Variants in ACTN1 observed in about 807,000 individuals in gnomAD.
The protein encoded by ACTN1 is alpha-actinin-1.
ACTN1 carries 30 observed loss-of-function variants against 119.6 expected under a neutral mutation model. The ratio of observed to expected loss-of-function variants is 0.25; its 90% CI spans 0.19 to 0.34. The LOEUF (loss-of-function observed/expected upper bound fraction) is 0.34. Among genes scored for constraint, ACTN1 ranks in the 10% least tolerant of loss-of-function variants. The probability of loss-of-function intolerance (pLI) is 1.00; values close to 1 mark genes in which losing one functional copy is unlikely to be tolerated. For missense variants in ACTN1, 764 were observed against 1,223.4 expected (o/e 0.62, Z 5.60); for synonymous variants, 429 against 472.6 (o/e 0.91, Z 1.20).
At position 68,899,223 on chromosome 14, in the gene ACTN1, C is replaced by T. The variant is rs549106419; in HGVS notation, c.762+3254G>A. On this transcript the variant is annotated intron_variant, in intron 8 of 21. Transcript: ENST00000394419. ...CACTATACCCCTCCACACCACACAC[C>T]ACACCCCACACACACAGCACTCCCC... 6.2e-4 allele frequency among the ~76,000 whole-genome samples: 91 copies of T among 146,568 alleles called. 1 individual carries two copies. Among genetic ancestry groups the T allele is most frequent in the African/African-American group, 1.8e-3 (71 of 39,674 alleles).
In ACTN1 at chr14:68,953,187, C is replaced by T. The variant is rs149868966; in HGVS notation, c.105+25765G>A. On this transcript the variant is annotated intron_variant, in intron 1 of 21. Coordinates refer to ENST00000394419, the MANE Select transcript of ACTN1 (RefSeq NM_001130004.2). The stretch of plus-strand genomic sequence containing the variant: ...TCTTATTTAACTCTGAGCTCACTCA[C>T]AGCTGTGATGATCTGAAAATCCCTC... Among the ~76,000 whole-genome samples the T allele has an allele frequency of 2.1e-3, 314 of 152,310 alleles. 2 individuals carry two copies. Among genetic ancestry groups the T allele is most frequent in the Non-Finnish European group, 2.0e-3 (139 of 68,030 alleles).
At chr14:68,910,166 C>T in intron 4 of ACTN1, 124 bp from the exon 5 acceptor site, 1 of 689,684 alleles carries the variant, frequency 1.4e-6, no homozygotes, top group South Asian at 1.9e-5. Flanking sequence ...AGGAGGAGCC[C>T]TGGCCATCAA....
At chr14:68,901,782 C>A (rs2033354165) in intron 8 of ACTN1, among the ~76,000 whole-genome samples, 1 of 152,194 alleles carries the variant, frequency 6.6e-6, no homozygotes, top group Admixed American at 6.5e-5. Flanking sequence ...TGGTGCAGAA[C>A]CTGCACGACT....
At position 68,904,747 on chromosome 14, in the gene ACTN1, A is replaced by G. The variant is rs1276023068; in HGVS notation, c.595-11T>C. 1.2e-6 allele frequency: 2 copies of G among 1,609,224 alleles called. No individual in the cohort carries two copies. Among genetic ancestry groups the G allele is most frequent in the African/African-American group, 2.7e-5 (2 of 74,812 alleles). Reference sequence around the variant, plus strand: ...TGTGAGTGGATCATCCTAGAGGGAGAAAAGGAGGAAGGGATGATAAAGTGA... The same window carrying G: ...TGTGAGTGGATCATCCTAGAGGGAGGAAAGGAGGAAGGGATGATAAAGTGA... On this transcript the variant is annotated splice_polypyrimidine_tract_variant and intron_variant, in intron 6 of 21. Transcript: ENST00000394419.
chr14:68,962,664 T>C (rs954985936), intron 1 of ACTN1, among the ~76,000 whole-genome samples: 3 of 152,292 alleles, frequency 2.0e-5, no homozygotes, highest in South Asian at 2.1e-4. Context: ...TGAGCCAGAT[T>C]CCATGTCCAC....
chr14:68,878,249 G>T lies in ACTN1; in HGVS notation c.2427+209C>A. On this transcript the variant is annotated intron_variant, in intron 20 of 21. Transcript: ENST00000394419. This position sits in a 1 kb window ranked among gnomAD's most constrained non-coding sequence, Gnocchi z 4.4. ...GATGAAGTGGCACAGAGATTGAGGC[G>T]AGGAGGTCAGGCCTCCCGGATACAC... 1 of 574,292 alleles carries T rather than the reference G, an allele frequency of 1.7e-6. No individual in the cohort carries two copies. Among genetic ancestry groups the T allele is most frequent in the Non-Finnish European group, 2.9e-6 (1 of 343,096 alleles). 35.6% of individuals were successfully genotyped at this position (574,292 alleles called of 1,614,324 possible).
intron 1 of ACTN1, among the ~76,000 whole-genome samples, chr14:68,940,159 G>C (rs577300344): frequency 6.6e-6 from 1 of 152,222 alleles, no homozygotes; most frequent in South Asian, 2.1e-4. Context: ...GGCCCTTGCA[G>C]GTCTGAGAGC....
chr14:68,911,603 G>C (rs1424577335), intron 4 of ACTN1, among the ~76,000 whole-genome samples: 1 of 152,194 alleles, frequency 6.6e-6, no homozygotes, highest in Non-Finnish European at 1.5e-5. Flanking sequence ...TCTTGTAAAA[G>C]TTTGTTTCAG....
rs182978138 is a variant in ACTN1, at chr14:68,903,372, G to A, written c.677-810C>T. On this transcript the variant is annotated intron_variant, in intron 7 of 21. Transcript: ENST00000394419. The stretch of plus-strand genomic sequence containing the variant: ...AGCCTTGCCAACTTGGTGAAACCCC[G>A]TCTCTACTAAAAATATAAAAATTAG... Among the ~76,000 whole-genome samples the A allele has an allele frequency of 6.6e-4, 101 of 152,156 alleles. 1 individual carries two copies. In the East Asian group the frequency reaches 0.018, roughly 27 times the overall value.
chr14:68,941,882 A>G (rs1190142699), intron 1 of ACTN1, among the ~76,000 whole-genome samples: 1 of 152,164 alleles, frequency 6.6e-6, no homozygotes, highest in East Asian at 1.9e-4. Flanking sequence ...TCTCTGACTC[A>G]GTCAAAACTT....
Position 68,874,810 on chromosome 14 carries a change from T to C in ACTN1, c.*49A>G. 1 of 1,487,642 alleles carries C rather than the reference T, an allele frequency of 6.7e-7. No individual in the cohort carries two copies. The highest frequency in any genetic ancestry group is 2.4e-5 in the East Asian group (1 of 41,994). 92.2% of individuals were successfully genotyped at this position (1,487,642 alleles called of 1,614,324 possible). A position where few individuals can be genotyped will look rare whatever the true frequency, so the allele number is the denominator to read the frequency against. On this transcript the variant is annotated 3_prime_UTR_variant, in exon 22 of 22. Coordinates refer to ENST00000394419, the MANE Select transcript of ACTN1 (RefSeq NM_001130004.2). ...GGCAGGAGATGGGCGACGGCGGAGG[T>C]GCAAGGCAGGGCACGGCGCACAAGA...
At chr14:68,934,388 G>C (rs1414071398) in intron 1 of ACTN1, among the ~76,000 whole-genome samples, 2 of 152,260 alleles carry the variant, frequency 1.3e-5, no homozygotes, top group African/African-American at 4.8e-5. Context: ...GGTTAGACAT[G>C]TCACGCACAT....
chr14:68,884,541 T>C (rs2031835319), intron 13 of ACTN1, among the ~76,000 whole-genome samples: 1 of 152,186 alleles, frequency 6.6e-6, no homozygotes, highest in African/African-American at 2.4e-5. Flanking sequence ...GGTTGGGCTG[T>C]AAAGCACACT....
intron 6 of ACTN1, among the ~76,000 whole-genome samples, chr14:68,908,088 G>A (rs906766004): frequency 1.3e-5 from 2 of 151,618 alleles, no homozygotes; most frequent in Non-Finnish European, 2.9e-5. Context: ...GCTGGCGAAG[G>A]GCTGGCCCCT....
intron 2 of ACTN1, among the ~76,000 whole-genome samples, chr14:68,924,424 C>T (rs2034814119): frequency 2.0e-5 from 3 of 152,240 alleles, no homozygotes; most frequent in Admixed American, 6.5e-5. Flanking sequence ...CCTGCCCCCA[C>T]CCCACAACTG....
chr14:68,908,061 C>G (rs192593282), intron 6 of ACTN1, among the ~76,000 whole-genome samples: 1 of 151,458 alleles, frequency 6.6e-6, no homozygotes, highest in East Asian at 1.9e-4. Context: ...CAAGGATCCT[C>G]TTCCCCCAGG....
chr14:68,878,321 G>T lies in ACTN1; in HGVS notation c.2427+137C>A. On this transcript the variant is annotated intron_variant, in intron 20 of 21. Coordinates refer to ENST00000394419, the MANE Select transcript of ACTN1 (RefSeq NM_001130004.2). The surrounding 1 kb of genome is among the most constrained non-coding windows in gnomAD (Gnocchi z 4.4). ...CTTTCAGGGAGCCATCTTCCCCAAGGACATGGGCCCTGGGGCTCCTCCAGG... is the reference window on the plus strand; with the variant it reads ...CTTTCAGGGAGCCATCTTCCCCAAGTACATGGGCCCTGGGGCTCCTCCAGG... 7.6e-7 allele frequency: 1 copy of T among 1,309,116 alleles called. No homozygotes were observed. The highest frequency in any genetic ancestry group is 1.0e-6 in the Non-Finnish European group (1 of 982,682). 81.1% of individuals were successfully genotyped at this position (1,309,116 alleles called of 1,614,324 possible). A position where few individuals can be genotyped will look rare whatever the true frequency, so the allele number is the denominator to read the frequency against.
At chr14:68,957,516 T>C (rs952792275) in intron 1 of ACTN1, among the ~76,000 whole-genome samples, 1 of 152,254 alleles carries the variant, frequency 6.6e-6, no homozygotes, top group Non-Finnish European at 1.5e-5. Context: ...GGGAACTCTT[T>C]GATCAGTCAT....
At chr14:68,943,734 T>A (rs2035841431) in intron 1 of ACTN1, among the ~76,000 whole-genome samples, 1 of 152,168 alleles carries the variant, frequency 6.6e-6, no homozygotes. Context: ...CCACGAGGCA[T>A]GCGCCATCTC....
Sources: allele counts gnomAD v4.1 joint callset (sites outside exome capture counted in the v4.1 genomes callset), GRCh38; gene constraint gnomAD v4.1.1; non-coding constraint Gnocchi (gnomAD v3.1); transcripts MANE v1.5; gene names NCBI Gene and HGNC (gene_info 2026-07-23, HGNC 2026-07-21).